Variants in ASIC2 observed in about 807,000 individuals in gnomAD.
ASIC2 encodes the protein acid-sensing ion channel 2.
Under a neutral mutation model 57.3 loss-of-function variants are expected in ASIC2, and 25 were observed. The observed-to-expected ratio is 0.44, with a 90% CI of 0.32 to 0.61. The LOEUF (loss-of-function observed/expected upper bound fraction) is 0.61. Among genes scored for constraint, ASIC2 ranks in the 20% least tolerant of loss-of-function variants. The probability of loss-of-function intolerance (pLI) is 0.06; values close to 1 mark genes in which losing one functional copy is unlikely to be tolerated. For synonymous variants in ASIC2, 319 were observed against 307.5 expected, an observed-to-expected ratio of 1.04 and a Z score of -0.39; for missense variants, 641 against 738.1, an observed-to-expected ratio of 0.87 and a Z score of 1.52.
chr17:33,478,134 G>A (rs1913288806), intron 1 of ASIC2, among the ~76,000 whole-genome samples: 1 of 152,196 alleles, frequency 6.6e-6, no homozygotes, highest in Non-Finnish European at 1.5e-5. Flanking sequence ...TGGCAGCCTA[G>A]CTGGGCAATA....
chr17:33,282,528 G>A (rs886116661), intron 1 of ASIC2, among the ~76,000 whole-genome samples: 1 of 151,902 alleles, frequency 6.6e-6, no homozygotes, highest in Admixed American at 6.6e-5. Flanking sequence ...AGGCTGGAGT[G>A]TAGTGGTACA....
chr17:33,069,634 G>T (rs1316291797), intron 3 of ASIC2, among the ~76,000 whole-genome samples: 1 of 151,900 alleles, frequency 6.6e-6, no homozygotes, highest in South Asian at 2.1e-4. Context: ...ATCATATTTT[G>T]TCTGATATTA....
chr17:34,118,828 T>A (rs1022159549), intron 1 of ASIC2: 2 of 152,294 alleles, frequency 1.3e-5, no homozygotes, highest in Non-Finnish European at 2.9e-5. Context: ...GCTCTAAGGT[T>A]GTGCTGTCCA....
intron 1 of ASIC2, among the ~76,000 whole-genome samples, chr17:33,970,967 G>C (rs192906982): frequency 2.0e-5 from 3 of 152,262 alleles, no homozygotes; most frequent in Admixed American, 2.0e-4. Flanking sequence ...GCCTGCCTTT[G>C]CTATACCTAT....
chr17:33,758,800 G>A (rs1910690337), intron 1 of ASIC2, among the ~76,000 whole-genome samples: 1 of 151,886 alleles, frequency 6.6e-6, no homozygotes, highest in Non-Finnish European at 1.5e-5. Context: ...CCCACCAGAT[G>A]TGGCCTTTTT....
chr17:33,675,753 G>A lies in ASIC2; in HGVS notation c.555+480225C>T, dbSNP rs1030813789. Among the ~76,000 whole-genome samples the A allele has an allele frequency of 7.2e-5, 11 of 151,972 alleles. 1 individual carries two copies. Among genetic ancestry groups the A allele is most frequent in the Admixed American group, 1.3e-4 (2 of 15,256 alleles). On this transcript the variant is annotated intron_variant, in intron 1 of 9. Transcript: ENST00000359872. ...CACCGGGCTAATTTTTGTATTTTTC[G>A]TAGAGACAGGGTTTCACCATGTTGC...
chr17:34,002,167 T>C (rs1164654029), intron 1 of ASIC2: 1 of 152,256 alleles, frequency 6.6e-6, no homozygotes, highest in Non-Finnish European at 1.5e-5. Context: ...TTCTATACAC[T>C]GTTTTGTGAT....
rs959740670 is a variant in ASIC2, at chr17:33,815,695, C to G, written c.555+340283G>C. Among the ~76,000 whole-genome samples the G allele has an allele frequency of 3.9e-4, 59 of 152,134 alleles. 1 individual carries two copies. Among genetic ancestry groups the G allele is most frequent in the Non-Finnish European group, 1.6e-4 (11 of 68,006 alleles). ...CTGGATACCAGCTTATTACCACTCC[C>G]TAAATGAATTGATTTGTCTTTGTTT... On this transcript the variant is annotated intron_variant, in intron 1 of 9. Coordinates refer to the ASIC2 transcript ENST00000359872.
chr17:33,409,382 C>T (rs1910577204), intron 1 of ASIC2, among the ~76,000 whole-genome samples: 1 of 152,094 alleles, frequency 6.6e-6, no homozygotes, highest in African/African-American at 2.4e-5. Flanking sequence ...TATGTAGAGC[C>T]CTTCCTTCCC....
At position 33,165,474 on chromosome 17, in the gene ASIC2, C is replaced by T. The variant is rs1905278506; in HGVS notation, c.709-53407G>A. Among the ~76,000 whole-genome samples, 3 of 151,690 alleles carry T rather than the reference C, an allele frequency of 2.0e-5. No homozygotes were observed. The South Asian group carries it at 6.3e-4, about 32-fold the overall frequency. On this transcript the variant is annotated intron_variant, in intron 1 of 9. Coordinates refer to ENST00000225823, the MANE Select transcript of ASIC2 (RefSeq NM_183377.2). Reference sequence around the variant, plus strand: ...CTAAGGGTGTGTGTGTGTGTGCGTGCATGCGTGTGTGTGTGTGTATGCATA... The same window carrying T: ...CTAAGGGTGTGTGTGTGTGTGCGTGTATGCGTGTGTGTGTGTGTATGCATA...
chr17:34,001,030 C>T (rs1018682298), intron 1 of ASIC2: 6 of 152,090 alleles, frequency 3.9e-5, no homozygotes, highest in African/African-American at 1.4e-4. Flanking sequence ...CACTAAGCTT[C>T]TTTAAGAGGA....
At chr17:34,063,391 G>A (rs1909042253) in intron 1 of ASIC2, among the ~76,000 whole-genome samples, 1 of 152,110 alleles carries the variant, frequency 6.6e-6, no homozygotes, top group African/African-American at 2.4e-5. Flanking sequence ...AGCCATCTAT[G>A]ACAAACCCAC....
At chr17:33,211,699 A>G (rs998099495) in intron 1 of ASIC2, among the ~76,000 whole-genome samples, 4 of 152,160 alleles carry the variant, frequency 2.6e-5, no homozygotes, top group African/African-American at 9.7e-5. Context: ...TGCCTCCTCC[A>G]TTACCAGCTA....
chr17:33,826,061 G>T lies in ASIC2; in HGVS notation c.555+329917C>A, dbSNP rs962554572. On this transcript the variant is annotated intron_variant, in intron 1 of 9. Coordinates refer to the ASIC2 transcript ENST00000359872. ...TTTAATGGTACACTGAACTAATGTT[G>T]AATTATGATGATTCTCTGTTGAGAT... 6.6e-5 allele frequency among the ~76,000 whole-genome samples: 10 copies of T among 152,278 alleles called. No homozygotes were observed. The South Asian group carries it at 1.9e-3, about 28-fold the overall frequency.
chr17:33,558,417 T>A (rs1285138089), intron 1 of ASIC2, among the ~76,000 whole-genome samples: 1 of 152,236 alleles, frequency 6.6e-6, no homozygotes, highest in African/African-American at 2.4e-5. Flanking sequence ...GACCTTGAAC[T>A]TTTAGAGATT....
intron 1 of ASIC2, among the ~76,000 whole-genome samples, chr17:33,248,673 G>A (rs947457112): frequency 6.6e-6 from 1 of 152,162 alleles, no homozygotes; most frequent in Admixed American, 6.5e-5. Context: ...TCCAGCCTCC[G>A]GTGGCTCCAG....
At chr17:33,100,197 A>T (rs1256517812) in intron 2 of ASIC2, 1 of 152,276 alleles carries the variant, frequency 6.6e-6, no homozygotes, top group Non-Finnish European at 1.5e-5. Flanking sequence ...ACACTTTAGC[A>T]GGACTCCCAA....
chr17:33,923,365 T>C (rs935786694), intron 1 of ASIC2, among the ~76,000 whole-genome samples: 5 of 152,210 alleles, frequency 3.3e-5, no homozygotes, highest in Admixed American at 1.3e-4. Flanking sequence ...ATGAAACTTA[T>C]GAACTAATAT....
chr17:33,223,317 G>A lies in ASIC2; in HGVS notation c.708+68091C>T, dbSNP rs554688578. ...CCTGCCTCAGCCTCCTGAGTAGCTG[G>A]GATTACAGATGTGTGCAACTATGCC... On this transcript the variant is annotated intron_variant, in intron 1 of 9. Transcript: ENST00000225823. Among the ~76,000 whole-genome samples the A allele has an allele frequency of 3.0e-3, 461 of 152,134 alleles. 2 individuals carry two copies. The highest frequency in any genetic ancestry group is 4.5e-3 in the Non-Finnish European group (305 of 68,000).
Sources: allele counts gnomAD v4.1 joint callset (sites outside exome capture counted in the v4.1 genomes callset), GRCh38; gene constraint gnomAD v4.1.1; transcripts MANE v1.5; gene names NCBI Gene and HGNC (gene_info 2026-07-23, HGNC 2026-07-21).